TCF12: variants seen among roughly 807,000 people sequenced by gnomAD.
TCF12 encodes DNA-binding protein HTF4.
Under a neutral mutation model 86.0 loss-of-function variants are expected in TCF12, and 45 were observed. The ratio of observed to expected loss-of-function variants is 0.52; its 90% CI spans 0.41 to 0.67. TCF12 has a LOEUF of 0.67. TCF12 is among the 30% of genes least tolerant of loss of function. The probability of loss-of-function intolerance (pLI) is 0.00; values close to 1 mark genes in which losing one functional copy is unlikely to be tolerated. For synonymous variants in TCF12, 330 were observed against 299.6 expected, an observed-to-expected ratio of 1.10 and a Z score of -1.05; for missense variants, 881 against 859.9, an observed-to-expected ratio of 1.02 and a Z score of -0.31.
At chr15:56,992,594 T>C (rs1168374159) in intron 3 of TCF12, among the ~76,000 whole-genome samples, 2 of 152,320 alleles carry the variant, frequency 1.3e-5, no homozygotes, top group African/African-American at 4.8e-5. Context: ...CATTATGCCA[T>C]TGTGAATTTT....
chr15:57,230,434 A>G lies in TCF12; in HGVS notation c.580-718A>G, dbSNP rs141580171. On this transcript the variant is annotated intron_variant, in intron 8 of 20. Coordinates refer to ENST00000333725, the MANE Select transcript of TCF12 (RefSeq NM_207037.2). Reference sequence around the variant, plus strand: ...GATCATTAAGGTTATTTGGCTGCCCATTTAGTTTTCCAGAGGAATGCAAAT... The same window carrying G: ...GATCATTAAGGTTATTTGGCTGCCCGTTTAGTTTTCCAGAGGAATGCAAAT... Among the ~76,000 whole-genome samples the G allele has an allele frequency of 7.9e-3, 1,201 of 152,054 alleles. 29 individuals carry two copies. The highest frequency in any genetic ancestry group is 6.3e-3 in the Non-Finnish European group (426 of 67,846).
At chr15:56,930,278 T>C (rs1315451795) in intron 3 of TCF12, among the ~76,000 whole-genome samples, 1 of 152,232 alleles carries the variant, frequency 6.6e-6, no homozygotes, top group Non-Finnish European at 1.5e-5. Flanking sequence ...GGTTGGTTTG[T>C]ACCTTTGGAG....
At chr15:57,142,892 G>A (rs576069488) in intron 5 of TCF12, among the ~76,000 whole-genome samples, 1 of 152,292 alleles carries the variant, frequency 6.6e-6, no homozygotes, top group East Asian at 1.9e-4. Context: ...CTAAGCTACA[G>A]TATGAAGGAT....
intron 19 of TCF12, among the ~76,000 whole-genome samples, chr15:57,279,256 CAT>C (rs1229480342): frequency 6.6e-6 from 1 of 152,162 alleles, no homozygotes; most frequent in Non-Finnish European, 1.5e-5. Context: ...GTCATAATAA[CAT>C]AAATATTTTC....
chr15:57,251,461 T>TA, intron 14 of TCF12, 38 bp downstream of exon 14: 1 of 1,598,662 alleles, frequency 6.3e-7, no homozygotes, highest in Middle Eastern at 1.7e-4. Context: ...TCTGATAGCT[T>TA]AGAGTTTGTT....
intron 20 of TCF12, among the ~76,000 whole-genome samples, chr15:57,284,830 T>C (rs1476623069): frequency 6.6e-6 from 1 of 152,260 alleles, no homozygotes; most frequent in African/African-American, 2.4e-5. Flanking sequence ...TCCTGTGCTT[T>C]TACTACTTCT....
chr15:57,234,468 T>G (rs1025132492), intron 12 of TCF12, among the ~76,000 whole-genome samples: 1 of 152,188 alleles, frequency 6.6e-6, no homozygotes, highest in Non-Finnish European at 1.5e-5. Context: ...AAGAAACTTT[T>G]CCAAGATCAA....
Position 56,919,920 on chromosome 15 carries a change from C to A in TCF12, c.7C>A (p.Pro3Thr). Residue 3 changes from proline (P) to threonine (T), a missense_variant, in exon 2 of 21, where the codon CCC (proline) becomes ACC (threonine). By Grantham distance (38) the Pro-to-Thr change is conservative. Around this residue, in one of 3 missense-constraint regions of TCF12, gnomAD observed 766 missense variants for 718.9 expected, o/e 1.07. Transcript: ENST00000333725. ...CTGCTAGAAGTGGCCGAAGATGAAT[C>A]CCCAGCAACAACGCATGGCCGCTAT... is the stretch of plus-strand genomic sequence containing the variant. Reference protein sequence around the residue: MNPQQQRMAAIGT... With the variant: MNTQQQRMAAIGT... 6.2e-7 allele frequency: 1 copy of A among 1,613,992 alleles called. No homozygotes were observed. Among genetic ancestry groups the A allele is most frequent in the Middle Eastern group, 1.6e-4 (1 of 6,062 alleles).
chr15:57,230,839 G>C (rs1202271541), intron 8 of TCF12, among the ~76,000 whole-genome samples: 1 of 151,952 alleles, frequency 6.6e-6, no homozygotes, highest in African/African-American at 2.4e-5. Context: ...CTGAGCCTAT[G>C]TGAGGTTTGT....
intron 12 of TCF12, among the ~76,000 whole-genome samples, chr15:57,241,896 C>T (rs1320530272): frequency 2.2e-5 from 3 of 139,128 alleles, no homozygotes; most frequent in Non-Finnish European, 5.0e-5. Context: ...GGAGGCTGAG[C>T]GGGGAAAATC....
chr15:57,081,497 A>G (rs557148916), intron 4 of TCF12, among the ~76,000 whole-genome samples: 2 of 152,334 alleles, frequency 1.3e-5, no homozygotes, highest in South Asian at 2.1e-4. Flanking sequence ...GGCAAATGGT[A>G]TCGCCAAATG....
At chr15:57,083,029 T>C (rs1412151848) in intron 4 of TCF12, among the ~76,000 whole-genome samples, 2 of 152,160 alleles carry the variant, frequency 1.3e-5, no homozygotes, top group African/African-American at 4.8e-5. Flanking sequence ...GTCTTATATA[T>C]TGAATGTTAA....
Position 57,072,343 on chromosome 15 carries a change from T to A in TCF12, c.222+8520T>A, listed in dbSNP as rs2069473920. Among the ~76,000 whole-genome samples the A allele has an allele frequency of 3.9e-5, 6 of 152,360 alleles. 1 individual carries two copies. In the South Asian group the frequency reaches 1.2e-3, roughly 32 times the overall value. On this transcript the variant is annotated intron_variant, in intron 4 of 20. Coordinates refer to ENST00000333725, the MANE Select transcript of TCF12 (RefSeq NM_207037.2). ...TAGGCTTTGTCAAGTTAGCTATGGT[T>A]GTATTAAAACAGATTGTTTGATTTT...
chr15:57,259,651 TC>T (rs1456918732), intron 16 of TCF12, among the ~76,000 whole-genome samples: 1 of 152,212 alleles, frequency 6.6e-6, no homozygotes, highest in African/African-American at 2.4e-5. Context: ...CTCTTCATAA[TC>T]ATTGAAACGT....
chr15:57,035,944 T>C (rs2066480532), intron 3 of TCF12, among the ~76,000 whole-genome samples: 1 of 152,180 alleles, frequency 6.6e-6, no homozygotes, highest in Admixed American at 6.5e-5. Flanking sequence ...CAAACCCTAT[T>C]GTGAACTGTA....
intron 5 of TCF12, among the ~76,000 whole-genome samples, chr15:57,109,856 A>G (rs978329645): frequency 5.9e-5 from 9 of 152,308 alleles, no homozygotes; most frequent in Middle Eastern, 3.4e-3. Context: ...TTTCCTCCTT[A>G]ATGCAAATGA....
chr15:57,201,395 G>A (rs1332305317), intron 8 of TCF12, among the ~76,000 whole-genome samples: 1 of 152,114 alleles, frequency 6.6e-6, no homozygotes, highest in Admixed American at 6.6e-5. Context: ...GTTGTGTCTG[G>A]AAAGATGCGT....
rs567705611 is a variant in TCF12, at chr15:57,199,184, T to C, written c.579+1359T>C. Among the ~76,000 whole-genome samples, 7 of 152,314 alleles carry C rather than the reference T, an allele frequency of 4.6e-5. No homozygotes were observed. In the East Asian group the frequency reaches 1.3e-3, roughly 29 times the overall value. ...AAATGAACACAATGCCTCAAATCGT[T>C]ATTCCCGAAGACAGGAATTTTTTTT... is the stretch of plus-strand genomic sequence containing the variant. On this transcript the variant is annotated intron_variant, in intron 8 of 20. Coordinates refer to ENST00000333725, the MANE Select transcript of TCF12 (RefSeq NM_207037.2).
chr15:56,974,608 A>G (rs1303572441), intron 3 of TCF12, among the ~76,000 whole-genome samples: 1 of 152,116 alleles, frequency 6.6e-6, no homozygotes, highest in African/African-American at 2.4e-5. Flanking sequence ...TGTGTACTTT[A>G]GTATTTACAA....
Sources: gnomAD v4.1 joint callset for allele counts (sites outside exome capture counted in the v4.1 genomes callset) on GRCh38, gnomAD v4.1.1 for gene constraint, gnomAD v4.1.1 regional missense constraint, MANE v1.5 for transcripts, NCBI Gene and HGNC (gene_info 2026-07-23, HGNC 2026-07-21) for gene names.